The following SBNO1 variants were observed in gnomAD, a reference collection of about 807,000 sequenced individuals.
SBNO1 encodes protein strawberry notch homolog 1.
Under a neutral mutation model 173.6 loss-of-function variants are expected in SBNO1, and 23 were observed. The observed-to-expected ratio is 0.13, with a 90% CI of 0.10 to 0.19. The LOEUF is 0.19. SBNO1 is among the 10% of genes least tolerant of loss of function. SBNO1 has a pLI of 1.00. For missense variants in SBNO1, 1,238 were observed against 1,671.2 expected (o/e 0.74, Z 4.52); for synonymous variants, 632 against 571.5 (o/e 1.11, Z -1.51).
chr12:123,350,208 T>C, intron 2 of SBNO1, 102 bp downstream of exon 2: 1 of 1,341,012 alleles, frequency 7.5e-7, no homozygotes, highest in African/African-American at 1.5e-5. Context: ...AAGCCATGAC[T>C]GCACCACTGC....
At position 123,331,247 on chromosome 12, in the gene SBNO1, T is replaced by C. The variant is rs773131044; in HGVS notation, c.1038A>G (p.Ala346=). Residue 346 remains alanine, a synonymous_variant, in exon 8 of 32, where the codon GCA becomes GCG. Transcript: ENST00000602398. ...YENYLLSRKR[A]LWFSVSNDLK... Reference sequence around the variant, plus strand: ...GCCAGTTTTTAAACACTTACCACAATGCTCGTTTTCTACTCAACAAATAAT... The same window carrying C: ...GCCAGTTTTTAAACACTTACCACAACGCTCGTTTTCTACTCAACAAATAAT... 4.3e-6 allele frequency: 7 copies of C among 1,613,586 alleles called. No individual in the cohort carries two copies. The East Asian group carries it at 1.1e-4, about 26-fold the overall frequency.
chr12:123,339,068 T>C (rs568985210), intron 5 of SBNO1, among the ~76,000 whole-genome samples: 14 of 152,282 alleles, frequency 9.2e-5, no homozygotes, highest in East Asian at 5.8e-4. Context: ...TGAAGAAATA[T>C]GCATTCTTAG....
intron 1 of SBNO1, chr12:123,364,065 T>C (rs1875763971): frequency 2.0e-6 from 2 of 985,194 alleles, no homozygotes; most frequent in African/African-American, 3.5e-5. Context: ...GTCTGGGAGG[T>C]GAGCTCGCCC....
At chr12:123,360,374 C>G (rs1196519225) in intron 1 of SBNO1, among the ~76,000 whole-genome samples, 1 of 152,140 alleles carries the variant, frequency 6.6e-6, no homozygotes, top group Non-Finnish European at 1.5e-5. Flanking sequence ...TCACAGGTGG[C>G]AAGTCACAAA....
At chr12:123,337,493 T>C (rs923895277) in intron 5 of SBNO1, among the ~76,000 whole-genome samples, 4 of 152,206 alleles carry the variant, frequency 2.6e-5, no homozygotes, top group Non-Finnish European at 5.9e-5. Context: ...CAGGCTCTTT[T>C]TTCATTTACC....
In SBNO1 at chr12:123,331,031, C is replaced by T. The variant is rs555069537; in HGVS notation, c.1043+211G>A. Among the ~76,000 whole-genome samples, 6 of 152,148 alleles carry T rather than the reference C, an allele frequency of 3.9e-5. No homozygotes were observed. In the East Asian group the frequency reaches 5.8e-4, roughly 15 times the overall value. On this transcript the variant is annotated intron_variant, in intron 8 of 31. Transcript: ENST00000602398. ...AGGCTGGAGTGCAGAGGAACAATGTCGGCTCACTGCAAGCTATGCCTCCAG... is the reference window on the plus strand; with the variant it reads ...AGGCTGGAGTGCAGAGGAACAATGTTGGCTCACTGCAAGCTATGCCTCCAG...
chr12:123,361,742 A>AAT (rs1305407951), intron 1 of SBNO1, among the ~76,000 whole-genome samples: 1 of 151,302 alleles, frequency 6.6e-6, no homozygotes, highest in Non-Finnish European at 1.5e-5. Flanking sequence ...AAAAAAAAAA[A>AAT]AAATACAAAA....
chr12:123,334,105 T>C lies in SBNO1; in HGVS notation c.857A>G (p.Asp286Gly). ...CTGCAATGCTGATAACCAGCCATTA[T>C]CAATGGTTTCCTCAGAAATGGATGT... Reference protein sequence around the residue: ...YKTSISEETIDNGWLSALQLE... With the variant: ...YKTSISEETIGNGWLSALQLE... The change falls in exon 7 of 32, where the codon GAT becomes GGT. Residue 286 changes from aspartate to glycine, a missense_variant. Physicochemically the swap from Asp to Gly is moderately conservative, Grantham distance 94. Transcript: ENST00000602398. 2 of 1,605,074 alleles carry C rather than the reference T, an allele frequency of 1.2e-6. No homozygotes were observed. The highest frequency in any genetic ancestry group is 1.1e-5 in the South Asian group (1 of 87,496).
At chr12:123,347,271 G>A (rs966714871) in intron 3 of SBNO1, among the ~76,000 whole-genome samples, 2 of 151,864 alleles carry the variant, frequency 1.3e-5, no homozygotes, top group Admixed American at 6.6e-5. Context: ...CTGTCACCCA[G>A]GCTGGAGTGC....
intron 21 of SBNO1, among the ~76,000 whole-genome samples, chr12:123,316,246 T>C (rs892307810): frequency 6.6e-6 from 1 of 152,182 alleles, no homozygotes; most frequent in African/African-American, 2.4e-5. Flanking sequence ...TTGTTGTTGT[T>C]AGAGTTTCGC....
At chr12:123,304,391 T>C in intron 29 of SBNO1, 191 bp downstream of exon 29, 1 of 436,140 alleles carries the variant, frequency 2.3e-6, no homozygotes, top group Admixed American at 3.8e-5. Flanking sequence ...TGCATCACCA[T>C]CCTGGGATAA....
At chr12:123,310,586 G>C (rs778590532) in intron 25 of SBNO1, among the ~76,000 whole-genome samples, 1 of 150,916 alleles carries the variant, frequency 6.6e-6, no homozygotes, top group East Asian at 2.0e-4. Flanking sequence ...CGAAGTTGGA[G>C]TGCAGTGGTG....
rs774501317 is a variant in SBNO1, at chr12:123,298,003, T to C, written c.4014A>G (p.Arg1338=). The C allele has an allele frequency of 1.8e-5, 29 of 1,613,864 alleles. No individual in the cohort carries two copies. Among genetic ancestry groups the C allele is most frequent in the Non-Finnish European group, 2.3e-5 (27 of 1,179,984 alleles). ...CTACAATCCGTTGCCCATCTTCCGT[T>C]CTTAGCCGCACGATCTGCATCTTCA... ...TNVKMQIVRL[R]TEDGQRIVGL... Residue 1338 remains arginine, a synonymous_variant, in exon 31 of 32, where the codon AGA becomes AGG. Transcript: ENST00000602398.
chr12:123,320,208 T>C (rs1477701848), intron 19 of SBNO1, among the ~76,000 whole-genome samples, 177 bp from the exon 20 acceptor site: 1 of 152,096 alleles, frequency 6.6e-6, no homozygotes, highest in African/African-American at 2.4e-5. Context: ...ATGGCCACGA[T>C]CACAAAAGAT....
At chr12:123,310,659 C>T (rs561670498) in intron 25 of SBNO1, among the ~76,000 whole-genome samples, 12 of 151,454 alleles carry the variant, frequency 7.9e-5, no homozygotes, top group East Asian at 3.9e-4. Context: ...CTTAGCCTCC[C>T]GAGTAGCTGG....
intron 2 of SBNO1, chr12:123,348,893 G>A (rs1225926154): frequency 6.6e-6 from 1 of 151,978 alleles, no homozygotes; most frequent in Non-Finnish European, 1.5e-5. Context: ...CTGAGAGGTG[G>A]AGGTTGCAGT....
intron 13 of SBNO1, 102 bp downstream of exon 13, chr12:123,327,324 G>T: frequency 1.0e-6 from 1 of 977,098 alleles, no homozygotes; most frequent in African/African-American, 1.6e-5. Flanking sequence ...TTTTATAGTA[G>T]AAATACATTC....
At chr12:123,360,230 G>C (rs1874980150) in intron 1 of SBNO1, among the ~76,000 whole-genome samples, 1 of 130,704 alleles carries the variant, frequency 7.7e-6, no homozygotes, top group Admixed American at 8.1e-5. Context: ...TCGGTGACAA[G>C]AGTGAAACAC....
In SBNO1 at chr12:123,338,920, C is replaced by G. The variant is rs1566045615; in HGVS notation, c.651+2068G>C. ...CACACACACACACACACGCCCCCCCCCCCCTCCCCGACTAGTTTGGTTGAT... is the reference window on the plus strand; with the variant it reads ...CACACACACACACACACGCCCCCCCGCCCCTCCCCGACTAGTTTGGTTGAT... On this transcript the variant is annotated intron_variant, in intron 5 of 31. Coordinates refer to ENST00000602398, the MANE Select transcript of SBNO1 (RefSeq NM_001167856.3). Among the ~76,000 whole-genome samples, 21 of 19,276 alleles carry G rather than the reference C, an allele frequency of 1.1e-3. 2 individuals carry two copies. The highest frequency in any genetic ancestry group is 3.5e-3 in the Admixed American group (5 of 1,416). 12.6% of individuals were successfully genotyped at this position (19,276 alleles called of 152,430 possible). A position where few individuals can be genotyped will look rare whatever the true frequency, so the allele number is the denominator to read the frequency against.
Sources: gnomAD v4.1 joint callset for allele counts (sites outside exome capture counted in the v4.1 genomes callset) on GRCh38, gnomAD v4.1.1 for gene constraint, MANE v1.5 for transcripts, NCBI Gene and HGNC (gene_info 2026-07-23, HGNC 2026-07-21) for gene names.